The following TMEM145 variants were observed in gnomAD, a reference collection of about 807,000 sequenced individuals.
TMEM145 encodes the protein transmembrane protein 145.
TMEM145 carries 46 observed loss-of-function variants against 68.5 expected under a neutral mutation model. The ratio of observed to expected loss-of-function variants is 0.67; its 90% CI spans 0.53 to 0.86. The LOEUF is 0.86. Ranked by LOEUF, TMEM145 falls within the 40% of genes least tolerant of loss-of-function variation. The probability of loss-of-function intolerance (pLI) is 0.00; values close to 1 mark genes in which losing one functional copy is unlikely to be tolerated. For missense variants in TMEM145, 570 were observed against 645.8 expected, an observed-to-expected ratio of 0.88 and a Z score of 1.27; for synonymous variants, 255 against 280.2, an observed-to-expected ratio of 0.91 and a Z score of 0.90.
rs769767615 is a variant in TMEM145 at position 42,315,054 on chromosome 19, G to A, written c.482G>A (p.Arg161Gln). The A allele has an allele frequency of 2.7e-5, 44 of 1,614,044 alleles. No individual in the cohort carries two copies. The highest frequency in any genetic ancestry group is 1.6e-4 in the Middle Eastern group (1 of 6,084). The change falls in exon 6 of 15, where the codon CGA becomes CAA. Residue 161 changes from arginine to glutamine, a missense_variant. Physicochemically the swap from Arg to Gln is conservative, Grantham distance 43. Transcript: ENST00000301204. ...ACCAATGGCAAGTCCTTCTGGACAC[G>A]ACACTTCTCCGCTGATGAGTTTGGT... is the stretch of plus-strand genomic sequence containing the variant. ...VLTNGKSFWT[R>Q]HFSADEFGIL...
chr19:42,319,198 G>C (rs1278606233), intron 12 of TMEM145, among the ~76,000 whole-genome samples: 15 of 152,206 alleles, frequency 9.9e-5, no homozygotes, highest in Admixed American at 9.8e-4. Context: ...GAGCCAGACT[G>C]TCCGGGTTCA....
chr19:42,316,732 G>A lies in TMEM145; in HGVS notation c.798G>A (p.Thr266=), dbSNP rs1275210033. The A allele has an allele frequency of 5.6e-6, 9 of 1,613,404 alleles. No homozygotes were observed. Among genetic ancestry groups the A allele is most frequent in the Admixed American group, 1.7e-5 (1 of 59,988 alleles). Reference sequence around the variant, plus strand: ...TTATCCTCCTGGGGAAGGGATTCACGGTGACACGGTGCCCGGGCAGGGCGT... The same window carrying A: ...TTATCCTCCTGGGGAAGGGATTCACAGTGACACGGTGCCCGGGCAGGGCGT... ...LMLILLGKGF[T]VTRGRISHAG... Residue 266 remains threonine (T), a synonymous_variant, in exon 10 of 15, where the codon ACG becomes ACA. Transcript: ENST00000301204.
chr19:42,324,464 C>T (rs959358509), intron 14 of TMEM145: 3 of 985,316 alleles, frequency 3.0e-6, no homozygotes, highest in Non-Finnish European at 3.6e-6. Context: ...GGCAGCGCCG[C>T]ACACCGGCTT....
intron 12 of TMEM145, among the ~76,000 whole-genome samples, chr19:42,319,757 C>CTTT (rs111353949): frequency 9.7e-5 from 10 of 102,594 alleles, no homozygotes; most frequent in Non-Finnish European, 1.6e-4. Context: ...CTGATTTCTT[C>CTTT]TTTTTTTTTT....
At chr19:42,319,316 C>T (rs1378768442) in intron 12 of TMEM145, among the ~76,000 whole-genome samples, 3 of 152,170 alleles carry the variant, frequency 2.0e-5, no homozygotes, top group Non-Finnish European at 4.4e-5. Flanking sequence ...TTATCTGCTT[C>T]ATAGAGTCAC....
chr19:42,317,737 C>T lies in TMEM145; in HGVS notation c.929C>T (p.Thr310Met), dbSNP rs377238257. The T allele has an allele frequency of 1.1e-5, 18 of 1,614,072 alleles. No homozygotes were observed. The highest frequency in any genetic ancestry group is 2.7e-5 in the African/African-American group (2 of 74,932). ...TTTGACCCAGGCCAGGTACTGTACA[C>T]GTATGAGTCGCCGGCCGGCTACGGG... ...EFFDPGQVLY[T>M]YESPAGYGLI... is the part of the protein sequence containing the mutation. The change falls in exon 12 of 15, where the codon ACG becomes ATG. Residue 310 changes from threonine to methionine, a missense_variant. Thr to Met is a moderately conservative substitution (Grantham distance 81). Coordinates refer to ENST00000301204, the MANE Select transcript of TMEM145 (RefSeq NM_173633.3).
chr19:42,323,992 T>G (rs1364207736), intron 14 of TMEM145, among the ~76,000 whole-genome samples: 1 of 151,780 alleles, frequency 6.6e-6, no homozygotes, highest in Non-Finnish European at 1.5e-5. Context: ...CTGGCGCTGT[T>G]GCGCACACCC....
intron 13 of TMEM145, among the ~76,000 whole-genome samples, chr19:42,321,962 T>A (rs550961346): frequency 6.6e-6 from 1 of 152,334 alleles, no homozygotes; most frequent in Non-Finnish European, 1.5e-5. Flanking sequence ...CAGGGCTCCG[T>A]GGCCTTTGGC....
chr19:42,314,410 G>A (rs367954866), intron 2 of TMEM145, 41 bp from the exon 3 acceptor site: 1 of 1,613,938 alleles, frequency 6.2e-7, no homozygotes, highest in African/African-American at 1.3e-5. Flanking sequence ...CAAAGGCACA[G>A]GCTGCCCCAG....
In TMEM145 at chr19:42,313,881, C is replaced by A. The variant is rs2038827611; in HGVS notation, c.120+385C>A. Among the ~76,000 whole-genome samples the A allele has an allele frequency of 6.6e-6, 1 of 151,990 alleles. No individual in the cohort carries two copies. Among genetic ancestry groups the A allele is most frequent in the South Asian group, 2.1e-4 (1 of 4,820 alleles). ...GAGGGGGCCGTTTGGAAGATTCCCC[C>A]GCGCGGGATGGTCTTTGGGAGCACG... On this transcript the variant is annotated intron_variant, in intron 1 of 14. Transcript: ENST00000301204. This position sits in a 1 kb window ranked among gnomAD's most constrained non-coding sequence, Gnocchi z 5.1.
At chr19:42,319,541 A>T (rs867961069) in intron 12 of TMEM145, among the ~76,000 whole-genome samples, 8 of 146,064 alleles carry the variant, frequency 5.5e-5, no homozygotes, top group South Asian at 2.2e-4. Flanking sequence ...CCGCCTCCTA[A>T]ATTCAAGTGA....
chr19:42,321,577 G>T (rs1447923626), intron 13 of TMEM145: 1 of 154,238 alleles, frequency 6.5e-6, no homozygotes, highest in Non-Finnish European at 1.4e-5. Flanking sequence ...ATTTTTAGTA[G>T]AGACGGGGTT....
intron 11 of TMEM145, among the ~76,000 whole-genome samples, chr19:42,317,456 T>TAG (rs1290158715): frequency 5.3e-5 from 8 of 152,184 alleles, no homozygotes; most frequent in Admixed American, 5.2e-4. Context: ...CCTCGTTGAG[T>TAG]AGATGCTGAT....
At chr19:42,318,648 T>C (rs1178868445) in intron 12 of TMEM145, among the ~76,000 whole-genome samples, 3 of 149,948 alleles carry the variant, frequency 2.0e-5, no homozygotes, top group African/African-American at 7.4e-5. Flanking sequence ...GATCACATCA[T>C]TGCATTCCAA....
Position 42,323,608 on chromosome 19 carries a change from A to G in TMEM145, c.1220A>G (p.Asn407Ser). The change falls in exon 14 of 15, where the codon AAC becomes AGC. Residue 407 changes from asparagine to serine, a missense_variant. Transcript: ENST00000301204. The part of the protein sequence containing the change: ...FLIMTRPSAA[N>S]KNFPYHVRTS... The stretch of plus-strand genomic sequence containing the variant: ...ATCATGACCCGCCCATCAGCGGCCA[A>G]CAAGAACTTCCCGTACCACGTGCGC... 5 of 1,614,122 alleles carry G rather than the reference A, an allele frequency of 3.1e-6. No homozygotes were observed. Among genetic ancestry groups the G allele is most frequent in the Admixed American group, 3.3e-5 (2 of 60,020 alleles).
Position 42,314,722 on chromosome 19 carries a change from T to C in TMEM145, c.360+23T>C, listed in dbSNP as rs201665974. On this transcript the variant is annotated intron_variant, in intron 4 of 14. Coordinates refer to ENST00000301204, the MANE Select transcript of TMEM145 (RefSeq NM_173633.3). ...CAGGTGCAGGCTCAGCCTGGGGGAG[T>C]GGGCAGGTGCTGAAGGATGAAGCCT... 1.7e-5 allele frequency: 27 copies of C among 1,613,596 alleles called. No homozygotes were observed. In the African/African-American group the frequency reaches 3.2e-4, roughly 19 times the overall value.
At chr19:42,323,861 CCCG>C in intron 14 of TMEM145, 72 bp downstream of exon 14, 1 of 1,359,424 alleles carries the variant, frequency 7.4e-7, no homozygotes, top group Non-Finnish European at 1.0e-6. Flanking sequence ...CGCTCCCGGC[CCCG>C]CCGCCGCCCC....
intron 11 of TMEM145, 24 bp downstream of exon 11, chr19:42,316,987 G>A (rs935572485): frequency 1.2e-5 from 19 of 1,603,988 alleles, no homozygotes; most frequent in South Asian, 8.9e-5. Context: ...GCCCCTGGCC[G>A]GGCCCTGCCT....
chr19:42,319,402 T>C (rs1225130507), intron 12 of TMEM145, among the ~76,000 whole-genome samples: 1 of 152,236 alleles, frequency 6.6e-6, no homozygotes, highest in Non-Finnish European at 1.5e-5. Context: ...TTACTTCTTA[T>C]TATCATTTGT....
Sources: allele counts gnomAD v4.1 joint callset (sites outside exome capture counted in the v4.1 genomes callset), GRCh38; gene constraint gnomAD v4.1.1; non-coding constraint Gnocchi (gnomAD v3.1); transcripts MANE v1.5; gene names NCBI Gene and HGNC (gene_info 2026-07-23, HGNC 2026-07-21).